Variants in RIN3 observed in about 807,000 individuals in gnomAD.
RIN3 encodes the protein Ras and Rab interactor 3.
Under a neutral mutation model 76.3 loss-of-function variants are expected in RIN3, and 54 were observed. That is an observed-to-expected ratio of 0.71 (90% CI 0.57 to 0.89). The LOEUF is 0.89. Ranked by LOEUF, RIN3 falls within the 40% of genes least tolerant of loss-of-function variation. RIN3 has a pLI of 0.00. For synonymous variants in RIN3, 576 were observed against 564.0 expected (o/e 1.02, Z -0.30); for missense variants, 1,256 against 1,322.1 (o/e 0.95, Z 0.78).
intron 1 of RIN3, among the ~76,000 whole-genome samples, chr14:92,552,735 C>T (rs889626567): frequency 2.0e-5 from 3 of 152,146 alleles, no homozygotes; most frequent in Admixed American, 2.0e-4. Flanking sequence ...CAGTTTGGAA[C>T]TGTCCCCCAT....
rs1263256955 is a variant in RIN3 at position 92,537,860 on chromosome 14, G to A, written c.45-17891G>A. On this transcript the variant is annotated intron_variant, in intron 1 of 9. Transcript: ENST00000216487. Reference sequence around the variant, plus strand: ...TTATTTATTTTTTTTTTTTTGAGACGGAGTCTTGCTCTGTCACCCAGGCTG... The same window carrying A: ...TTATTTATTTTTTTTTTTTTGAGACAGAGTCTTGCTCTGTCACCCAGGCTG... Among the ~76,000 whole-genome samples, 7 of 147,586 alleles carry A rather than the reference G, an allele frequency of 4.7e-5. No individual in the cohort carries two copies. The East Asian group carries it at 1.0e-3, about 21-fold the overall frequency.
intron 3 of RIN3, among the ~76,000 whole-genome samples, chr14:92,606,024 GGTC>G (rs1885514481): frequency 6.6e-6 from 1 of 151,958 alleles, no homozygotes; most frequent in Admixed American, 6.6e-5. Flanking sequence ...GAAAAGACAA[GGTC>G]AGATGCAGTG....
intron 3 of RIN3, among the ~76,000 whole-genome samples, chr14:92,582,137 C>G (rs1407260625): frequency 6.6e-6 from 1 of 152,152 alleles, no homozygotes; most frequent in Non-Finnish European, 1.5e-5. Context: ...GGTTCAGGAG[C>G]CTGACTAAAG....
At chr14:92,651,439 A>C in intron 5 of RIN3, 143 bp from the exon 6 acceptor site, 1 of 491,444 alleles carries the variant, frequency 2.0e-6, no homozygotes. Context: ...CCAAGAGGGG[A>C]AAACAACCTC....
intron 4 of RIN3, among the ~76,000 whole-genome samples, chr14:92,635,834 T>C (rs1372568247): frequency 3.3e-5 from 5 of 151,834 alleles, no homozygotes; most frequent in African/African-American, 9.7e-5. Flanking sequence ...GCCTGGGCAA[T>C]AGAGGGCGAG....
At chr14:92,577,209 A>G in intron 2 of RIN3, 151 bp from the exon 3 acceptor site, 1 of 591,352 alleles carries the variant, frequency 1.7e-6, no homozygotes, top group Non-Finnish European at 3.1e-6. Context: ...CTCTTGGGGC[A>G]GAACCCCCAG....
intron 3 of RIN3, among the ~76,000 whole-genome samples, chr14:92,600,067 T>C (rs1885291367): frequency 6.6e-6 from 1 of 152,130 alleles, no homozygotes; most frequent in African/African-American, 2.4e-5. Flanking sequence ...CTGTGGTGGA[T>C]TTAGGGATAG....
chr14:92,591,935 T>C (rs1309402773), intron 3 of RIN3, among the ~76,000 whole-genome samples: 3 of 152,196 alleles, frequency 2.0e-5, no homozygotes, highest in Non-Finnish European at 4.4e-5. Flanking sequence ...AGAAAAATGT[T>C]TACTTTTCTT....
At chr14:92,653,928 G>A (rs1249859510) in intron 6 of RIN3, among the ~76,000 whole-genome samples, 2 of 152,208 alleles carry the variant, frequency 1.3e-5, no homozygotes, top group Non-Finnish European at 2.9e-5. Context: ...TGAGGCAGGA[G>A]GATTGCTTGA....
At chr14:92,555,612 T>G in intron 1 of RIN3, 139 bp from the exon 2 acceptor site, 1 of 792,408 alleles carries the variant, frequency 1.3e-6, no homozygotes. Context: ...CATGGTTTGT[T>G]GATTTTTTTT....
Position 92,685,115 on chromosome 14 carries a change from C to T in RIN3, c.2596C>T (p.Leu866Phe), listed in dbSNP as rs1393569556. 1 of 1,613,434 alleles carries T rather than the reference C, an allele frequency of 6.2e-7. No homozygotes were observed. The highest frequency in any genetic ancestry group is 1.1e-5 in the South Asian group (1 of 91,084). Residue 866 changes from leucine to phenylalanine, a missense_variant, in exon 9 of 10, where the codon CTC (leucine) becomes TTC (phenylalanine). Physicochemically the swap from Leu to Phe is conservative, Grantham distance 22. This residue lies in a region of RIN3 where 218 missense variants were observed against 174.5 expected (regional missense o/e 1.25). Coordinates refer to ENST00000216487, the MANE Select transcript of RIN3 (RefSeq NM_024832.5). The surrounding 1 kb of genome is among the most constrained non-coding windows in gnomAD (Gnocchi z 4.7). ...CCACCGCTGGGAGCGCCGGCGTACT[C>T]TCAACAAGGCCCGGGCCTCCCGCTC... ...SIHRWERRRTLNKARASRSSV... is the reference protein window; with the variant it reads ...SIHRWERRRTFNKARASRSSV...
At chr14:92,658,374 A>G (rs897351068) in intron 6 of RIN3, among the ~76,000 whole-genome samples, 1 of 152,258 alleles carries the variant, frequency 6.6e-6, no homozygotes, top group African/African-American at 2.4e-5. Context: ...GGCAGTTGGC[A>G]GAGCAGCCTG....
chr14:92,590,090 A>T (rs1188585071), intron 3 of RIN3, among the ~76,000 whole-genome samples: 1 of 152,212 alleles, frequency 6.6e-6, no homozygotes, highest in Non-Finnish European at 1.5e-5. Context: ...GACAGGCCTG[A>T]GTTAAAACTC....
In RIN3 at chr14:92,522,348, T is replaced by C. The variant is rs532701018; in HGVS notation, c.44+8372T>C. ...TGTGTGTGTGTGTGTGCATGTGCTA[T>C]TGATTTTCCAAAAAATGTATTATAG... On this transcript the variant is annotated intron_variant, in intron 1 of 9. Coordinates refer to ENST00000216487, the MANE Select transcript of RIN3 (RefSeq NM_024832.5). 5.3e-5 allele frequency among the ~76,000 whole-genome samples: 8 copies of C among 150,836 alleles called. No individual in the cohort carries two copies. In the East Asian group the frequency reaches 7.7e-4, roughly 15 times the overall value.
At chr14:92,628,020 C>A (rs761315293) in intron 4 of RIN3, among the ~76,000 whole-genome samples, 1 of 152,130 alleles carries the variant, frequency 6.6e-6, no homozygotes, top group African/African-American at 2.4e-5. Context: ...TGGGGTCGGA[C>A]CACACAATCT....
At chr14:92,608,141 AACAC>A (rs140188402) in intron 3 of RIN3, among the ~76,000 whole-genome samples, 4 of 151,642 alleles carry the variant, frequency 2.6e-5, no homozygotes, top group African/African-American at 4.8e-5. Flanking sequence ...ATACTATACA[AACAC>A]ACACACACAC....
At position 92,685,662 on chromosome 14, in the gene RIN3, C is replaced by G. The variant is rs1349194070; in HGVS notation, c.2631+512C>G. 6.7e-6 allele frequency: 1 copy of G among 148,670 alleles called. No homozygotes were observed. The highest frequency in any genetic ancestry group is 1.5e-5 in the Non-Finnish European group (1 of 67,234). The allele number at this position is 148,670 out of a possible 1,614,324, so 9.2% of individuals were successfully genotyped here. The stretch of plus-strand genomic sequence containing the variant: ...AAACCAGTCCCGCCCCTCCCCAACT[C>G]CATCACCCCACCCACCCCCAGGCTG... On this transcript the variant is annotated intron_variant, in intron 9 of 9. Transcript: ENST00000216487. The surrounding 1 kb of genome is among the most constrained non-coding windows in gnomAD (Gnocchi z 4.7).
At chr14:92,642,146 C>T (rs891920815) in intron 5 of RIN3, among the ~76,000 whole-genome samples, 11 of 151,734 alleles carry the variant, frequency 7.2e-5, no homozygotes, top group Admixed American at 3.9e-4. Context: ...CTCTGTTGCC[C>T]AGGTTGGAGT....
rs934541323 is a variant in RIN3, at chr14:92,652,480, C to T, written c.1431C>T (p.Pro477=). ...SRQLASTLPA[P]LENAELCTQA... ...AACTGGCCTCGACCCTCCCAGCTCC[C>T]TTAGAGAACGCTGAGCTCTGCACAC... is the stretch of plus-strand genomic sequence containing the variant. The change falls in exon 6 of 10, where the codon CCC becomes CCT. Residue 477 remains proline, a synonymous_variant. Transcript: ENST00000216487. The surrounding 1 kb of genome is among the most constrained non-coding windows in gnomAD (Gnocchi z 6.4). 14 of 1,614,012 alleles carry T rather than the reference C, an allele frequency of 8.7e-6. No individual in the cohort carries two copies. The highest frequency in any genetic ancestry group is 1.6e-4 in the Middle Eastern group (1 of 6,084).
Sources: allele counts gnomAD v4.1 joint callset (sites outside exome capture counted in the v4.1 genomes callset), GRCh38; gene constraint gnomAD v4.1.1; regional missense constraint gnomAD v4.1.1; non-coding constraint Gnocchi (gnomAD v3.1); transcripts MANE v1.5; gene names NCBI Gene and HGNC (gene_info 2026-07-23, HGNC 2026-07-21).